The following C17orf99 variants were observed in gnomAD, a reference collection of about 807,000 sequenced individuals.
The protein encoded by C17orf99 is chromosome 17 open reading frame 99.
In C17orf99, 18 loss-of-function variants were observed where a neutral mutation model predicts 22.6. That is an observed-to-expected ratio of 0.80 (90% CI 0.55 to 1.18). The LOEUF is 1.18. Among genes scored for constraint, C17orf99 ranks in the 50% most tolerant of loss-of-function variants. C17orf99 has a pLI of 0.00. For missense variants in C17orf99, 328 were observed against 342.7 expected (o/e 0.96, Z 0.34); for synonymous variants, 147 against 136.6 (o/e 1.08, Z -0.53).
intron 2 of C17orf99, among the ~76,000 whole-genome samples, chr17:78,149,903 G>T (rs1426380098): frequency 6.6e-6 from 1 of 151,946 alleles, no homozygotes; most frequent in East Asian, 1.9e-4. Flanking sequence ...TAGAGATGGG[G>T]TTTCACCATG....
intron 2 of C17orf99, among the ~76,000 whole-genome samples, chr17:78,155,633 T>C (rs1390464792): frequency 1.3e-5 from 2 of 151,970 alleles, no homozygotes; most frequent in African/African-American, 2.4e-5. Context: ...CACTATTCTT[T>C]TTCTTTTTTT....
intron 3 of C17orf99, among the ~76,000 whole-genome samples, chr17:78,161,764 A>C (rs2075578701): frequency 6.6e-6 from 1 of 151,696 alleles, no homozygotes; most frequent in African/African-American, 2.4e-5. Context: ...GAATCGCTTG[A>C]ACCCGGGAGG....
chr17:78,154,044 G>A (rs2075506921), intron 2 of C17orf99, among the ~76,000 whole-genome samples: 1 of 145,436 alleles, frequency 6.9e-6, no homozygotes, highest in African/African-American at 2.6e-5. Context: ...TCATGCCTCA[G>A]CCTCCCGAGT....
chr17:78,155,961 A>G (rs1312929318), intron 2 of C17orf99, among the ~76,000 whole-genome samples: 2 of 151,910 alleles, frequency 1.3e-5, no homozygotes, highest in Admixed American at 6.6e-5. Flanking sequence ...GGTCCCCGCC[A>G]TTGGTATAAT....
chr17:78,146,347 G>T, upstream of C17orf99: 1 of 1,488,690 alleles, frequency 6.7e-7, no homozygotes, highest in South Asian at 1.2e-5. The surrounding 1 kb of genome is among the most constrained non-coding windows in gnomAD (Gnocchi z 5.2). Flanking sequence ...CCTCAGGGTG[G>T]GGGAGGCCAG....
upstream of C17orf99, among the ~76,000 whole-genome samples, chr17:78,146,100 C>T (rs1466076361): frequency 1.3e-5 from 2 of 152,140 alleles, no homozygotes; most frequent in South Asian, 2.1e-4. This position sits in a 1 kb window ranked among gnomAD's most constrained non-coding sequence, Gnocchi z 5.2. Flanking sequence ...GCATGGACAC[C>T]TTCTGCCCAC....
chr17:78,146,829 T>A lies in C17orf99; in HGVS notation c.38-50T>A. On this transcript the variant is annotated intron_variant, in intron 1 of 4. Coordinates refer to ENST00000340363, the MANE Select transcript of C17orf99 (RefSeq NM_001163075.2). The surrounding 1 kb of genome is among the most constrained non-coding windows in gnomAD (Gnocchi z 5.2). Reference sequence around the variant, plus strand: ...AGGTGGGTCTCGAGGCTGTCTCTGGTCTCCCCTCCACACCAGGCCCTCTCC... The same window carrying A: ...AGGTGGGTCTCGAGGCTGTCTCTGGACTCCCCTCCACACCAGGCCCTCTCC... 6.5e-7 allele frequency: 1 copy of A among 1,536,626 alleles called. No homozygotes were observed. The highest frequency in any genetic ancestry group is 8.8e-7 in the Non-Finnish European group (1 of 1,134,206).
At chr17:78,156,898 G>C (rs575636530) in intron 2 of C17orf99, among the ~76,000 whole-genome samples, 1 of 149,938 alleles carries the variant, frequency 6.7e-6, no homozygotes. Flanking sequence ...CAGGCGCAGT[G>C]GCCACCGTGC....
At position 78,166,178 on chromosome 17, in the gene C17orf99, G is replaced by A. The variant is rs1045644231; in HGVS notation, c.*132G>A. On this transcript the variant is annotated 3_prime_UTR_variant, in exon 5 of 5. Transcript: ENST00000340363. ...CACAAAAAAAAAAAAAAAAAAAAAA[G>A]GGTAACTATGAGAGATGGTGGATAT... is the stretch of plus-strand genomic sequence containing the variant. 28 of 351,148 alleles carry A rather than the reference G, an allele frequency of 8.0e-5. No homozygotes were observed. Among genetic ancestry groups the A allele is most frequent in the East Asian group, 1.6e-4 (4 of 24,620 alleles). 21.8% of individuals were successfully genotyped at this position (351,148 alleles called of 1,614,324 possible). A position where few individuals can be genotyped will look rare whatever the true frequency, so the allele number is the denominator to read the frequency against.
At chr17:78,147,204 G>T (rs952048334) in intron 2 of C17orf99, among the ~76,000 whole-genome samples, 1 of 152,188 alleles carries the variant, frequency 6.6e-6, no homozygotes, top group East Asian at 1.9e-4. Flanking sequence ...CTGGGCAGGT[G>T]CATCCTCATC....
Position 78,166,034 on chromosome 17 carries a change from A to G in C17orf99, c.786A>G (p.Ala262=). Residue 262 remains alanine (A), a synonymous_variant, in exon 5 of 5, where the codon GCA becomes GCG. Transcript: ENST00000340363. ...IGNGEVRGRK[A]AAM ...ATGGGGAGGTCAGAGGACGCAAAGCAGCAGCCATGTAGAATGAACCGTCCA... is the reference window on the plus strand; with the variant it reads ...ATGGGGAGGTCAGAGGACGCAAAGCGGCAGCCATGTAGAATGAACCGTCCA... The G allele has an allele frequency of 3.6e-6, 5 of 1,376,044 alleles. No homozygotes were observed. Among genetic ancestry groups the G allele is most frequent in the Non-Finnish European group, 4.8e-6 (5 of 1,033,358 alleles). The allele number at this position is 1,376,044 out of a possible 1,614,324, so 85.2% of individuals were successfully genotyped here.
rs2075442011 is a variant in C17orf99 at position 78,146,937 on chromosome 17, A to T, written c.70+26A>T. 7 of 1,549,124 alleles carry T rather than the reference A, an allele frequency of 4.5e-6. No homozygotes were observed. Among genetic ancestry groups the T allele is most frequent in the Middle Eastern group, 1.7e-4 (1 of 5,998 alleles). On this transcript the variant is annotated intron_variant, in intron 2 of 4. Coordinates refer to ENST00000340363, the MANE Select transcript of C17orf99 (RefSeq NM_001163075.2). This position sits in a 1 kb window ranked among gnomAD's most constrained non-coding sequence, Gnocchi z 5.2. ...GTAAGTGGCATAGCCTGCTGCAGGG[A>T]GAAGTCCCCCAGCTGGGACCCTGGT...
chr17:78,146,522 C>G lies in C17orf99; in HGVS notation c.37+78C>G. The stretch of plus-strand genomic sequence containing the variant: ...TGGGCTCAGGTGGGGGTACTGGGAG[C>G]ACAGGAGAGATGAGGCCTGAAGGAA... On this transcript the variant is annotated intron_variant, in intron 1 of 4. Coordinates refer to ENST00000340363, the MANE Select transcript of C17orf99 (RefSeq NM_001163075.2). The surrounding 1 kb of genome is among the most constrained non-coding windows in gnomAD (Gnocchi z 5.2). The G allele has an allele frequency of 7.5e-7, 1 of 1,330,362 alleles. No homozygotes were observed. Among genetic ancestry groups the G allele is most frequent in the Non-Finnish European group, 1.0e-6 (1 of 953,086 alleles). 82.4% of individuals were successfully genotyped at this position (1,330,362 alleles called of 1,614,324 possible).
At chr17:78,149,155 A>T (rs1486618317) in intron 2 of C17orf99, among the ~76,000 whole-genome samples, 1 of 151,934 alleles carries the variant, frequency 6.6e-6, no homozygotes, top group Non-Finnish European at 1.5e-5. Flanking sequence ...AATATGGTGA[A>T]ACCCAGTCTC....
At chr17:78,151,843 CAA>C (rs2075486515) in intron 2 of C17orf99, among the ~76,000 whole-genome samples, 1 of 152,198 alleles carries the variant, frequency 6.6e-6, no homozygotes, top group Admixed American at 6.6e-5. Context: ...GCGGCTTATT[CAA>C]AGTCAGATCT....
chr17:78,146,281 G>T (rs960713062), upstream of C17orf99: 7 of 786,494 alleles, frequency 8.9e-6, no homozygotes, highest in African/African-American at 1.2e-4. The surrounding 1 kb of genome is among the most constrained non-coding windows in gnomAD (Gnocchi z 5.2). Flanking sequence ...CTGGGGTGCT[G>T]CGGCCTCCAG....
chr17:78,158,783 G>A (rs73999656), intron 2 of C17orf99: 15,613 of 165,986 alleles, frequency 0.094, 1,097 homozygotes, highest in African/African-American at 0.19. Context: ...GGTGCTGCTT[G>A]TGGTTTAGTT....
intron 2 of C17orf99, among the ~76,000 whole-genome samples, chr17:78,156,466 A>G (rs1478682255): frequency 2.0e-5 from 3 of 152,030 alleles, no homozygotes; most frequent in African/African-American, 4.8e-5. Context: ...GCAAGCAGAA[A>G]GCAGATACCT....
chr17:78,148,982 CCAG>C (rs1056216899), intron 2 of C17orf99, among the ~76,000 whole-genome samples: 1 of 151,934 alleles, frequency 6.6e-6, no homozygotes, highest in Non-Finnish European at 1.5e-5. Context: ...ATTCTGGAGG[CCAG>C]CAGCAGCTGC....
Sources: gnomAD v4.1 joint callset for allele counts (sites outside exome capture counted in the v4.1 genomes callset) on GRCh38, gnomAD v4.1.1 for gene constraint, Gnocchi (gnomAD v3.1) non-coding constraint, MANE v1.5 for transcripts, NCBI Gene and HGNC (gene_info 2026-07-23, HGNC 2026-07-21) for gene names.